RAB38: variants seen among roughly 807,000 people sequenced by gnomAD.
The protein encoded by RAB38 is RAB38, member RAS oncogene family.
A neutral mutation model predicts 18.4 loss-of-function variants in RAB38; 15 were observed. The observed-to-expected ratio is 0.82, with a 90% confidence interval of 0.55 to 1.26. The LOEUF (loss-of-function observed/expected upper bound fraction) is 1.26, where lower values mean the gene tolerates loss of function less well. RAB38 is among the 50% of genes most tolerant of loss of function. RAB38 has a pLI of 0.00. For missense variants in RAB38, 294 were observed against 267.4 expected (o/e 1.10, Z -0.69); for synonymous variants, 101 against 104.4 (o/e 0.97, Z 0.20).
chr11:87,899,745 T>C, the RAB38 span, among the ~76,000 whole-genome samples: 9 of 151,630 alleles, frequency 5.9e-5, no homozygotes, highest in African/African-American at 2.2e-4. Context: ...ATCCTAACCA[T>C]TTATGGGCTA....
the RAB38 span, among the ~76,000 whole-genome samples, chr11:87,904,270 T>C: frequency 8.6e-5 from 13 of 151,694 alleles, no homozygotes; most frequent in African/African-American, 3.1e-4. Flanking sequence ...AGTTCCCAGT[T>C]TCTGTTATTG....
At chr11:88,074,209 A>C in the RAB38 span, among the ~76,000 whole-genome samples, 1 of 152,272 alleles carries the variant, frequency 6.6e-6, no homozygotes, top group South Asian at 2.1e-4. Flanking sequence ...GAAGTTATAA[A>C]GCTCAATGTT....
chr11:88,019,155 C>A, the RAB38 span, among the ~76,000 whole-genome samples: 1 of 152,038 alleles, frequency 6.6e-6, no homozygotes, highest in Admixed American at 6.6e-5. Context: ...ACTGGAAATA[C>A]ACCTTCACTT....
chr11:88,102,624 AGGT>A, the RAB38 span, among the ~76,000 whole-genome samples: 6 of 152,098 alleles, frequency 3.9e-5, no homozygotes, highest in Non-Finnish European at 7.4e-5. Context: ...AAAAGTTATT[AGGT>A]GGCAACCAGC....
At chr11:88,021,287 C>A in the RAB38 span, among the ~76,000 whole-genome samples, 2 of 152,106 alleles carry the variant, frequency 1.3e-5, no homozygotes, top group African/African-American at 4.8e-5. Flanking sequence ...CTCAAAGGAT[C>A]ATTAGTGGCT....
chr11:88,116,992 T>C (rs1591152868), intron 2 of RAB38, among the ~76,000 whole-genome samples: 1 of 152,166 alleles, frequency 6.6e-6, no homozygotes, highest in African/African-American at 2.4e-5. Flanking sequence ...CCTAGCAGGG[T>C]CATTTTAGTG....
At chr11:88,029,926 AT>A in the RAB38 span, among the ~76,000 whole-genome samples, 5 of 152,172 alleles carry the variant, frequency 3.3e-5, no homozygotes, top group Admixed American at 2.6e-4. Context: ...CAGAATATAC[AT>A]TTTTTTCAGC....
the RAB38 span, among the ~76,000 whole-genome samples, chr11:87,925,005 G>C: frequency 6.6e-6 from 1 of 151,966 alleles, no homozygotes; most frequent in Non-Finnish European, 1.5e-5. Flanking sequence ...CTAGGTAAAC[G>C]AGGGAGGTTG....
the RAB38 span, among the ~76,000 whole-genome samples, chr11:87,877,554 T>C: frequency 6.6e-6 from 1 of 151,552 alleles, no homozygotes; most frequent in African/African-American, 2.4e-5. Flanking sequence ...CAATTTTCTT[T>C]CCTTTGTGTC....
chr11:87,868,806 A>G, the RAB38 span, among the ~76,000 whole-genome samples: 2 of 151,666 alleles, frequency 1.3e-5, no homozygotes, highest in Non-Finnish European at 3.0e-5. Flanking sequence ...GTACCATCCC[A>G]GCTGCTTTGA....
intron 1 of RAB38, among the ~76,000 whole-genome samples, chr11:88,155,601 A>C (rs302657): frequency 0.86 from 130,241 of 152,178 alleles, 56,044 homozygotes; most frequent in Middle Eastern, 0.93. Context: ...TGAAAAGGAA[A>C]AAGCACAAAA....
At chr11:88,164,166 A>G (rs373654260) in intron 1 of RAB38, among the ~76,000 whole-genome samples, 1 of 151,526 alleles carries the variant, frequency 6.6e-6, no homozygotes, top group Non-Finnish European at 1.5e-5. Context: ...AATAACCCCC[A>G]AGAGATCCTG....
chr11:88,138,976 G>A (rs577465362), intron 2 of RAB38, among the ~76,000 whole-genome samples: 8 of 151,994 alleles, frequency 5.3e-5, no homozygotes, highest in South Asian at 2.1e-4. Context: ...AGTAGCGACG[G>A]TGTTTCACTG....
the RAB38 span, among the ~76,000 whole-genome samples, chr11:87,819,390 A>C: frequency 6.6e-6 from 1 of 152,056 alleles, no homozygotes; most frequent in African/African-American, 2.4e-5. Context: ...GTGTGGAGAG[A>C]TTTCCATAGC....
chr11:88,136,244 TC>T (rs964261511), intron 2 of RAB38, among the ~76,000 whole-genome samples: 1 of 152,050 alleles, frequency 6.6e-6, no homozygotes, highest in African/African-American at 2.4e-5. Flanking sequence ...ATATTGATTT[TC>T]CCCCCAGTCT....
At chr11:88,138,558 T>C (rs1044315124) in intron 2 of RAB38, among the ~76,000 whole-genome samples, 1 of 152,084 alleles carries the variant, frequency 6.6e-6, no homozygotes, top group African/African-American at 2.4e-5. Flanking sequence ...GAGATCTGAA[T>C]AGAGAGAGTT....
At chr11:87,843,825 A>C in the RAB38 span, among the ~76,000 whole-genome samples, 1 of 152,206 alleles carries the variant, frequency 6.6e-6, no homozygotes, top group Admixed American at 6.5e-5. Context: ...ACTGAAAAAG[A>C]AAATCTATTA....
the RAB38 span, among the ~76,000 whole-genome samples, chr11:88,012,781 G>C: frequency 6.6e-6 from 1 of 152,108 alleles, no homozygotes. Context: ...CTTCCTCAAT[G>C]TCCCAGTGGG....
chr11:88,141,354 G>A (rs959066793), intron 2 of RAB38, among the ~76,000 whole-genome samples: 2 of 152,002 alleles, frequency 1.3e-5, no homozygotes, highest in Non-Finnish European at 2.9e-5. Flanking sequence ...TAGAAACAAG[G>A]AATGATTCTA....
Sources: allele counts gnomAD v4.1 joint callset (sites outside exome capture counted in the v4.1 genomes callset), GRCh38; gene constraint gnomAD v4.1.1; transcripts MANE v1.5; gene names NCBI Gene and HGNC (gene_info 2026-07-23, HGNC 2026-07-21).